AFAP1L2: variants seen among roughly 807,000 people sequenced by gnomAD.
AFAP1L2 encodes actin filament-associated protein 1-like 2.
AFAP1L2 carries 46 observed loss-of-function variants against 99.3 expected under a neutral mutation model. The observed-to-expected ratio is 0.46, with a 90% CI of 0.37 to 0.59. AFAP1L2 has a LOEUF of 0.59. Among genes scored for constraint, AFAP1L2 ranks in the 20% least tolerant of loss-of-function variants. The pLI, the probability that AFAP1L2 is intolerant of heterozygous loss-of-function variation, is 0.00. For missense variants in AFAP1L2, 959 were observed against 1,034.9 expected (o/e 0.93, Z 1.01); for synonymous variants, 397 against 419.1 (o/e 0.95, Z 0.64).
chr10:114,286,122 C>T, the AFAP1L2 span: 19 of 1,613,966 alleles, frequency 1.2e-5, no homozygotes, highest in Admixed American at 1.7e-5. Context: ...CTGCTGGTGG[C>T]GGTGCCTGTG....
chr10:114,286,715 C>A, the AFAP1L2 span, among the ~76,000 whole-genome samples: 1 of 152,208 alleles, frequency 6.6e-6, no homozygotes, highest in African/African-American at 2.4e-5. Flanking sequence ...CCTGAGAGAT[C>A]TTTAGTGAGA....
Position 114,303,365 on chromosome 10 carries a change from C to T in AFAP1L2, c.1285-881G>A, listed in dbSNP as rs544943115. On this transcript the variant is annotated intron_variant, in intron 11 of 18. Transcript: ENST00000304129. ...TTCTGTCGCCCAGGCTGGAGTGCAG[C>T]GGTGGGATCTTGGCTCACTGTAGCC... 1.1e-3 allele frequency among the ~76,000 whole-genome samples: 166 copies of T among 152,194 alleles called. 1 individual carries two copies. Among genetic ancestry groups the T allele is most frequent in the Non-Finnish European group, 9.7e-4 (66 of 67,980 alleles).
At chr10:114,392,587 G>C (rs954508140) in intron 1 of AFAP1L2, among the ~76,000 whole-genome samples, 11 of 152,176 alleles carry the variant, frequency 7.2e-5, no homozygotes, top group Non-Finnish European at 1.2e-4. Context: ...AAAGTCATTA[G>C]TGACACCACA....
intron 1 of AFAP1L2, among the ~76,000 whole-genome samples, chr10:114,349,860 C>T (rs1477774394): frequency 2.0e-5 from 3 of 152,252 alleles, no homozygotes; most frequent in South Asian, 4.2e-4. Context: ...GCTCTGCTCC[C>T]GCCAAGCCTG....
intron 12 of AFAP1L2, 137 bp from the exon 13 acceptor site, chr10:114,301,602 C>T (rs1182997867): frequency 1.5e-6 from 1 of 645,816 alleles, no homozygotes; most frequent in African/African-American, 1.8e-5. Context: ...TGACACTCAC[C>T]TCCATGGATC....
chr10:114,381,493 A>G (rs2137427650), intron 1 of AFAP1L2, among the ~76,000 whole-genome samples: 1 of 152,330 alleles, frequency 6.6e-6, no homozygotes, highest in South Asian at 2.1e-4. Flanking sequence ...CATGTCCGTG[A>G]ATATACCAAA....
At chr10:114,305,784 G>A in intron 10 of AFAP1L2, among the ~76,000 whole-genome samples, 1 of 135,816 alleles carries the variant, frequency 7.4e-6, no homozygotes, top group African/African-American at 2.8e-5. Flanking sequence ...CTGCAGGAGG[G>A]GACGCAGATG....
chr10:114,401,537 A>C (rs2058232305), intron 1 of AFAP1L2, among the ~76,000 whole-genome samples: 1 of 152,204 alleles, frequency 6.6e-6, no homozygotes, highest in Admixed American at 6.5e-5. Context: ...CGCCAAAGAG[A>C]TTCACATACA....
intron 15 of AFAP1L2, 83 bp from the exon 16 acceptor site, chr10:114,299,498 G>T: frequency 6.4e-7 from 1 of 1,551,138 alleles, no homozygotes; most frequent in Non-Finnish European, 8.7e-7. Flanking sequence ...GGCTCGGATA[G>T]AACCTGGGGC....
downstream of AFAP1L2, among the ~76,000 whole-genome samples, chr10:114,290,786 TCTTTTTGGGGTG>T (rs2039513787): frequency 6.6e-6 from 1 of 152,060 alleles, no homozygotes; most frequent in Non-Finnish European, 1.5e-5. Context: ...TGCTGGAAGC[TCTTTTTGGGGTG>T]CTATTTGCTC....
intron 1 of AFAP1L2, among the ~76,000 whole-genome samples, chr10:114,386,716 C>T (rs1353227688): frequency 6.6e-6 from 1 of 152,214 alleles, no homozygotes; most frequent in Admixed American, 6.5e-5. Flanking sequence ...CCTGGCCAGG[C>T]TAAGGAATCA....
intron 1 of AFAP1L2, among the ~76,000 whole-genome samples, chr10:114,363,410 G>C (rs1369545797): frequency 6.6e-6 from 1 of 152,204 alleles, no homozygotes; most frequent in Non-Finnish European, 1.5e-5. Context: ...GGAAGAATGA[G>C]GCTGAGCCCT....
Position 114,308,425 on chromosome 10 carries a change from G to A in AFAP1L2, c.967+8C>T. 1 of 1,612,806 alleles carries A rather than the reference G, an allele frequency of 6.2e-7. No homozygotes were observed. Among genetic ancestry groups the A allele is most frequent in the Non-Finnish European group, 8.5e-7 (1 of 1,178,804 alleles). On this transcript the variant is annotated splice_region_variant and intron_variant, in intron 9 of 18. Transcript: ENST00000304129. ...GACACCATTCCCCTCCCAACCACATGATGTTACCGTCTTTGGTTTCTGGGA... is the reference window on the plus strand; with the variant it reads ...GACACCATTCCCCTCCCAACCACATAATGTTACCGTCTTTGGTTTCTGGGA...
intron 4 of AFAP1L2, among the ~76,000 whole-genome samples, chr10:114,325,099 G>A (rs2046049595): frequency 6.6e-6 from 1 of 152,228 alleles, no homozygotes; most frequent in Admixed American, 6.5e-5. Context: ...CATGTAACTT[G>A]ATTTCAATCC....
chr10:114,301,847 G>A (rs572992284), intron 12 of AFAP1L2: 8 of 277,480 alleles, frequency 2.9e-5, no homozygotes, highest in Admixed American at 9.3e-5. Flanking sequence ...CACTATCCCC[G>A]TTTGGTCCAT....
intron 1 of AFAP1L2, among the ~76,000 whole-genome samples, chr10:114,403,468 T>C (rs1457136440): frequency 6.6e-6 from 1 of 152,080 alleles, no homozygotes; most frequent in Non-Finnish European, 1.5e-5. Context: ...AAAACAAATA[T>C]AGAAGCAGCA....
intron 1 of AFAP1L2, among the ~76,000 whole-genome samples, chr10:114,374,476 C>T (rs1336116991): frequency 3.9e-5 from 6 of 152,082 alleles, no homozygotes; most frequent in Admixed American, 2.0e-4. Flanking sequence ...CCCAGCTGAG[C>T]GAGAGAGACT....
At chr10:114,301,937 C>T (rs1229217878) in intron 12 of AFAP1L2, 5 of 256,796 alleles carry the variant, frequency 1.9e-5, no homozygotes, top group Non-Finnish European at 3.8e-5. Context: ...AACGCCCTCT[C>T]CCTCAGCCCT....
chr10:114,361,902 T>C (rs183558217), intron 1 of AFAP1L2, among the ~76,000 whole-genome samples: 344 of 152,336 alleles, frequency 2.3e-3, no homozygotes, highest in Non-Finnish European at 3.5e-3. Context: ...TGAGGCTCCA[T>C]GCAAAATTTC....
Sources: allele counts gnomAD v4.1 joint callset (sites outside exome capture counted in the v4.1 genomes callset), GRCh38; gene constraint gnomAD v4.1.1; transcripts MANE v1.5; gene names NCBI Gene and HGNC (gene_info 2026-07-23, HGNC 2026-07-21).